Variants in HPGDS observed in about 807,000 individuals in gnomAD.
The protein encoded by HPGDS is GST class-sigma.
In HPGDS, 26 loss-of-function variants were observed where a neutral mutation model predicts 23.1. The observed-to-expected ratio is 1.13, with a 90% confidence interval of 0.83 to 1.56. The LOEUF (loss-of-function observed/expected upper bound fraction) is 1.56, where lower values mean the gene tolerates loss of function less well. HPGDS is among the 40% of genes most tolerant of loss of function. The pLI, the probability that HPGDS is intolerant of heterozygous loss-of-function variation, is 0.00. For missense variants in HPGDS, 268 were observed against 236.4 expected (o/e 1.13, Z -0.88); for synonymous variants, 95 against 77.9 (o/e 1.22, Z -1.16).
At position 94,334,492 on chromosome 4, in the gene HPGDS, C is replaced by T; in HGVS notation, c.133+5G>A. The T allele has an allele frequency of 6.3e-7, 1 of 1,585,532 alleles. No homozygotes were observed. Among genetic ancestry groups the T allele is most frequent in the African/African-American group, 1.4e-5 (1 of 73,730 alleles). ...TTTCCTACATTTATTATTTTTGCTA[C>T]TTACTTGATTTGATTTCAGGCCAGT... On this transcript the variant is annotated splice_donor_5th_base_variant and intron_variant, in intron 2 of 5. Transcript: ENST00000295256.
chr4:94,317,626 G>T (rs1442086251), intron 3 of HPGDS, among the ~76,000 whole-genome samples: 1 of 152,098 alleles, frequency 6.6e-6, no homozygotes, highest in Non-Finnish European at 1.5e-5. Flanking sequence ...ACTCCAAAAA[G>T]GGCTTGGAGA....
chr4:94,312,921 G>A (rs937843720), intron 3 of HPGDS, among the ~76,000 whole-genome samples: 3 of 151,876 alleles, frequency 2.0e-5, no homozygotes, highest in East Asian at 1.9e-4. Context: ...GATCTTTGTT[G>A]GTTTAAAGTC....
intron 2 of HPGDS, among the ~76,000 whole-genome samples, chr4:94,323,270 C>G (rs980241768): frequency 1.3e-5 from 2 of 152,178 alleles, no homozygotes; most frequent in Non-Finnish European, 2.9e-5. Flanking sequence ...CTGTAGTTGT[C>G]TGTTAGGTCT....
chr4:94,322,459 A>C (rs532716478), intron 2 of HPGDS, among the ~76,000 whole-genome samples: 3 of 152,182 alleles, frequency 2.0e-5, no homozygotes, highest in Admixed American at 6.5e-5. Context: ...TGGTCTATTC[A>C]GGGATTCAAC....
intron 5 of HPGDS, among the ~76,000 whole-genome samples, chr4:94,301,400 G>T (rs1339418886): frequency 6.6e-6 from 1 of 152,170 alleles, no homozygotes; most frequent in African/African-American, 2.4e-5. Flanking sequence ...GGGTTGGAAA[G>T]TGGTGATAGT....
chr4:94,306,270 G>A (rs1756136934), intron 4 of HPGDS, among the ~76,000 whole-genome samples: 1 of 151,912 alleles, frequency 6.6e-6, no homozygotes, highest in Admixed American at 6.6e-5. Context: ...GCGTCCTAAA[G>A]GAAACCACTA....
intron 2 of HPGDS, among the ~76,000 whole-genome samples, chr4:94,331,339 A>AT (rs1221524793): frequency 1.3e-5 from 2 of 151,732 alleles, no homozygotes; most frequent in South Asian, 2.1e-4. Flanking sequence ...TTGAAGTGGT[A>AT]TTTTTTTCTC....
intron 1 of HPGDS, among the ~76,000 whole-genome samples, chr4:94,338,482 C>T (rs1300056379): frequency 1.3e-5 from 2 of 152,110 alleles, no homozygotes; most frequent in Non-Finnish European, 2.9e-5. Flanking sequence ...ATACTAAATG[C>T]TTTTAAAAAG....
intron 2 of HPGDS, among the ~76,000 whole-genome samples, chr4:94,322,126 G>C (rs117394309): frequency 4.6e-5 from 7 of 152,136 alleles, no homozygotes; most frequent in Non-Finnish European, 8.8e-5. Context: ...GCTTGATCTT[G>C]GTGGATAAGG....
At chr4:94,324,335 G>C (rs371312762) in intron 2 of HPGDS, among the ~76,000 whole-genome samples, 1 of 151,848 alleles carries the variant, frequency 6.6e-6, no homozygotes, top group East Asian at 1.9e-4. Context: ...AGTTCTCCTG[G>C]ATAATATACT....
In HPGDS at chr4:94,303,043, A is replaced by G. The variant is rs189790860; in HGVS notation, c.337-799T>C. Among the ~76,000 whole-genome samples the G allele has an allele frequency of 1.0e-3, 153 of 152,252 alleles. 1 individual carries two copies. The highest frequency in any genetic ancestry group is 3.4e-3 in the Middle Eastern group (1 of 294). On this transcript the variant is annotated intron_variant, in intron 4 of 5. Coordinates refer to ENST00000295256, the MANE Select transcript of HPGDS (RefSeq NM_014485.3). ...TAGAAGCCAAACTCAAAAATATAAA[A>G]TGTATATATCATTTATTAATATGTC...
At chr4:94,306,133 G>A (rs141485538) in intron 4 of HPGDS, among the ~76,000 whole-genome samples, 39 of 152,036 alleles carry the variant, frequency 2.6e-4, no homozygotes, top group African/African-American at 7.0e-4. Flanking sequence ...CTGTGATGGC[G>A]GTGGGGGATC....
chr4:94,319,339 C>T (rs1221443397), intron 2 of HPGDS, among the ~76,000 whole-genome samples: 1 of 152,118 alleles, frequency 6.6e-6, no homozygotes, highest in East Asian at 1.9e-4. Flanking sequence ...GCTGCTCCTG[C>T]ATGCTTTTGG....
intron 4 of HPGDS, 124 bp from the exon 5 acceptor site, chr4:94,302,368 G>A: frequency 3.1e-6 from 2 of 654,868 alleles, no homozygotes. Flanking sequence ...GAAGTAGCTA[G>A]ATTTTTTATT....
intron 4 of HPGDS, among the ~76,000 whole-genome samples, chr4:94,303,175 G>T (rs1410692150): frequency 6.6e-6 from 1 of 152,058 alleles, no homozygotes; most frequent in Non-Finnish European, 1.5e-5. Context: ...TAGCTAGATG[G>T]TATATACTAC....
chr4:94,322,054 G>A (rs1756522331), intron 2 of HPGDS, among the ~76,000 whole-genome samples: 1 of 152,106 alleles, frequency 6.6e-6, no homozygotes, highest in Non-Finnish European at 1.5e-5. Context: ...CTGTTAAGGT[G>A]ATGGATTACA....
intron 2 of HPGDS, among the ~76,000 whole-genome samples, chr4:94,321,392 T>G (rs1354454151): frequency 6.6e-6 from 1 of 152,224 alleles, no homozygotes; most frequent in Non-Finnish European, 1.5e-5. Flanking sequence ...TTCCTACCCA[T>G]GAGCATGGAA....
rs147487998 is a variant in HPGDS, at chr4:94,327,677, G to C, written c.133+6820C>G. Among the ~76,000 whole-genome samples, 119 of 152,302 alleles carry C rather than the reference G, an allele frequency of 7.8e-4. 2 individuals are homozygous for C. In the East Asian group the frequency reaches 0.021, roughly 27 times the overall value. ...GCAGGCAGCTCTCAGACTCTGGAGA[G>C]TGCGTGCTTTAGCTTCCTGTGTTAC... On this transcript the variant is annotated intron_variant, in intron 2 of 5. Coordinates refer to ENST00000295256, the MANE Select transcript of HPGDS (RefSeq NM_014485.3).
rs141177604 is a variant in HPGDS at position 94,318,825 on chromosome 4, G to T, written c.134-860C>A. 5.5e-3 allele frequency among the ~76,000 whole-genome samples: 842 copies of T among 152,228 alleles called. 4 individuals are homozygous for T. Among genetic ancestry groups the T allele is most frequent in the African/African-American group, 0.019 (786 of 41,546 alleles). On this transcript the variant is annotated intron_variant, in intron 2 of 5. Transcript: ENST00000295256. ...CCTCCCAGGTTCAAGTAATTCTCCT[G>T]CCTCAGCCTCCTGAGTAGCCAGGAC...
Sources: gnomAD v4.1 joint callset for allele counts (sites outside exome capture counted in the v4.1 genomes callset) on GRCh38, gnomAD v4.1.1 for gene constraint, MANE v1.5 for transcripts, NCBI Gene and HGNC (gene_info 2026-07-23, HGNC 2026-07-21) for gene names.